PARVB: variants seen among roughly 807,000 people sequenced by gnomAD.
PARVB encodes the protein parvin beta.
A neutral mutation model predicts 47.0 loss-of-function variants in PARVB; 46 were observed. That is an observed-to-expected ratio of 0.98 (90% confidence interval 0.77 to 1.25). The LOEUF is 1.25. Ranked by LOEUF, PARVB falls within the 50% of genes most tolerant of loss-of-function variation. PARVB has a pLI of 0.00. For missense variants in PARVB, 473 were observed against 471.6 expected (o/e 1.00, Z -0.03); for synonymous variants, 196 against 196.3 (o/e 1.00, Z 0.01).
At chr22:44,016,305 C>T (rs530346152) in intron 2 of PARVB, among the ~76,000 whole-genome samples, 8 of 152,000 alleles carry the variant, frequency 5.3e-5, no homozygotes, top group African/African-American at 1.4e-4. Flanking sequence ...ACCGTGTTAG[C>T]CAGGATGGTC....
At position 44,103,759 on chromosome 22, in the gene PARVB, C is replaced by A. The variant is rs1038725007; in HGVS notation, c.273+3636C>A. The A allele has an allele frequency of 1.3e-5, 2 of 152,202 alleles. No homozygotes were observed. Among genetic ancestry groups the A allele is most frequent in the African/African-American group, 4.8e-5 (2 of 41,446 alleles). The allele number at this position is 152,202 out of a possible 1,614,324, so 9.4% of individuals were successfully genotyped here. A position where few individuals can be genotyped will look rare whatever the true frequency, so the allele number is the denominator to read the frequency against. ...CTTGACCCTGGAGGCAAGGTGGTAG[C>A]TTCTGGCTCTGAAGATGGAAGAAGG... On this transcript the variant is annotated intron_variant, in intron 3 of 12. Coordinates refer to ENST00000338758, the MANE Select transcript of PARVB (RefSeq NM_013327.5). This position sits in a 1 kb window ranked among gnomAD's most constrained non-coding sequence, Gnocchi z 4.6.
chr22:44,139,100 C>T (rs1314858101), intron 7 of PARVB: 1 of 152,286 alleles, frequency 6.6e-6, no homozygotes, highest in Non-Finnish European at 1.5e-5. Flanking sequence ...AGATCAGGGC[C>T]TGGCCTCGTG....
chr22:44,058,266 C>G (rs748269168), intron 1 of PARVB, among the ~76,000 whole-genome samples: 1 of 152,134 alleles, frequency 6.6e-6, no homozygotes, highest in Non-Finnish European at 1.5e-5. Context: ...TCCTTCCTGA[C>G]TCTCTTGGCT....
chr22:44,007,678 T>C (rs1603422057), intron 2 of PARVB, among the ~76,000 whole-genome samples: 1 of 152,184 alleles, frequency 6.6e-6, no homozygotes, highest in African/African-American at 2.4e-5. Flanking sequence ...AGTTTTTTTT[T>C]GGTAAAATGC....
chr22:43,999,699 G>C, intron 2 of PARVB: 4 of 1,556,712 alleles, frequency 2.6e-6, no homozygotes, highest in Non-Finnish European at 3.5e-6. Flanking sequence ...AAAACTGTCA[G>C]AAAGTGGATG....
chr22:44,098,176 T>C (rs1240329320), intron 2 of PARVB, among the ~76,000 whole-genome samples: 17 of 152,126 alleles, frequency 1.1e-4, no homozygotes. Context: ...ACGGGCTCTC[T>C]GAAGGCTGGG....
At chr22:44,116,163 A>T (rs942493431) in intron 3 of PARVB, 2 of 152,270 alleles carry the variant, frequency 1.3e-5, no homozygotes, top group African/African-American at 2.4e-5. Flanking sequence ...TGACCTTGAC[A>T]GTTTTGAGGA....
rs137958680 is a variant in PARVB at position 44,069,158 on chromosome 22, C to G, written c.113-24770C>G. 2,216 of 1,612,228 alleles carry G rather than the reference C, an allele frequency of 1.4e-3. 10 individuals are homozygous for G. The highest frequency in any genetic ancestry group is 0.012 in the African/African-American group (895 of 75,052). ...GAGCTGCCGCCAGCTGCACCCTCCT[C>G]GCCAGTGAGTTCTGTTGCTTTCGTA... On this transcript the variant is annotated intron_variant, in intron 1 of 12. Coordinates refer to ENST00000338758, the MANE Select transcript of PARVB (RefSeq NM_013327.5).
chr22:44,095,336 G>A (rs2052277021), intron 2 of PARVB, among the ~76,000 whole-genome samples: 2 of 151,790 alleles, frequency 1.3e-5, no homozygotes, highest in South Asian at 2.1e-4. Flanking sequence ...TGGCGAAACC[G>A]CGTCTCTCCT....
intron 3 of PARVB, chr22:44,114,475 C>T (rs376954249): frequency 1.8e-5 from 1 of 55,176 alleles, no homozygotes; most frequent in Non-Finnish European, 3.5e-5. Context: ...TTGTTACTAA[C>T]TAAGGCCCTG....
chr22:44,138,593 G>T (rs1354803987), intron 7 of PARVB, among the ~76,000 whole-genome samples: 1 of 152,142 alleles, frequency 6.6e-6, no homozygotes, highest in Admixed American at 6.5e-5. Context: ...AAAACCAGCG[G>T]CCCAAAGATC....
At chr22:44,024,993 G>C (rs182891359) in intron 1 of PARVB, among the ~76,000 whole-genome samples, 1 of 152,236 alleles carries the variant, frequency 6.6e-6, no homozygotes, top group East Asian at 1.9e-4. Flanking sequence ...TTTTTACTGC[G>C]TGTGCTCACG....
intron 4 of PARVB, among the ~76,000 whole-genome samples, chr22:44,128,578 C>A (rs994996961): frequency 1.3e-5 from 2 of 152,258 alleles, no homozygotes; most frequent in African/African-American, 4.8e-5. Flanking sequence ...CCTGCTGTTT[C>A]CACCACCAAA....
chr22:44,128,451 C>T (rs901129294), intron 4 of PARVB, among the ~76,000 whole-genome samples: 4 of 152,356 alleles, frequency 2.6e-5, no homozygotes, highest in Admixed American at 2.6e-4. Context: ...CGCCAGTGGG[C>T]ACAGTGATGT....
At chr22:44,039,921 C>G (rs1296119559) in intron 1 of PARVB, 6 of 451,626 alleles carry the variant, frequency 1.3e-5, no homozygotes, top group South Asian at 6.3e-5. Flanking sequence ...CTCCAGTGAT[C>G]CTTCTGCCTC....
chr22:44,085,291 GTTTTCT>G (rs202198824), intron 1 of PARVB, among the ~76,000 whole-genome samples: 64 of 151,960 alleles, frequency 4.2e-4, no homozygotes, highest in African/African-American at 5.6e-4. Context: ...CTGCAACATG[GTTTTCT>G]TTTTCTTTTT....
At chr22:44,162,432 A>G (rs2054073325) in intron 11 of PARVB, among the ~76,000 whole-genome samples, 1 of 151,666 alleles carries the variant, frequency 6.6e-6, no homozygotes, top group Non-Finnish European at 1.5e-5. Flanking sequence ...AGCGATTCTC[A>G]TGCCTCAGCC....
chr22:44,135,240 A>G (rs933190364), intron 6 of PARVB, among the ~76,000 whole-genome samples: 4 of 150,888 alleles, frequency 2.7e-5, no homozygotes, highest in Non-Finnish European at 5.9e-5. Flanking sequence ...CACCACTGCC[A>G]TGCCCCCCTC....
rs1217876080 is a variant in PARVB at position 44,039,831 on chromosome 22, C to G, written c.112+15380C>G. On this transcript the variant is annotated intron_variant, in intron 1 of 12. Transcript: ENST00000338758. The stretch of plus-strand genomic sequence containing the variant: ...TGATTTCATTTCATTTCATTTTTTT[C>G]AAAGATGAGATCTCACTCTGATGCC... 5 of 454,654 alleles carry G rather than the reference C, an allele frequency of 1.1e-5. No individual in the cohort carries two copies. In the Admixed American group the frequency reaches 1.2e-4, roughly 11 times the overall value. 28.2% of individuals were successfully genotyped at this position (454,654 alleles called of 1,614,324 possible).
Sources: gnomAD v4.1 joint callset for allele counts (sites outside exome capture counted in the v4.1 genomes callset) on GRCh38, gnomAD v4.1.1 for gene constraint, Gnocchi (gnomAD v3.1) non-coding constraint, MANE v1.5 for transcripts, NCBI Gene and HGNC (gene_info 2026-07-23, HGNC 2026-07-21) for gene names.